Variants in CDC14A observed in about 807,000 individuals in gnomAD.
CDC14A encodes the protein dual specificity protein phosphatase CDC14A.
CDC14A carries 53 observed loss-of-function variants against 74.4 expected under a neutral mutation model. That is an observed-to-expected ratio of 0.71 (90% CI 0.57 to 0.89). The LOEUF is 0.89. Among genes scored for constraint, CDC14A ranks in the 40% least tolerant of loss-of-function variants. CDC14A has a pLI of 0.00. For synonymous variants in CDC14A, 247 were observed against 258.4 expected (o/e 0.96, Z 0.43); for missense variants, 646 against 713.7 (o/e 0.91, Z 1.08).
At chr1:100,473,759 G>A (rs936808018) in intron 10 of CDC14A, among the ~76,000 whole-genome samples, 3 of 152,186 alleles carry the variant, frequency 2.0e-5, no homozygotes, top group South Asian at 2.1e-4. Flanking sequence ...GTGTGTGTAT[G>A]TATGTGCAAA....
intron 8 of CDC14A, among the ~76,000 whole-genome samples, chr1:100,458,387 C>G (rs367556890): frequency 1.4e-4 from 21 of 152,240 alleles, no homozygotes; most frequent in African/African-American, 4.3e-4. Flanking sequence ...AGATATCGCT[C>G]TATATGCATA....
chr1:100,403,323 C>T (rs1391026486), intron 4 of CDC14A, among the ~76,000 whole-genome samples: 1 of 152,106 alleles, frequency 6.6e-6, no homozygotes, highest in Non-Finnish European at 1.5e-5. Context: ...TGTCTTTACC[C>T]ATCAAATTGA....
At chr1:100,456,048 G>T (rs1296830562) in intron 8 of CDC14A, among the ~76,000 whole-genome samples, 14 of 152,138 alleles carry the variant, frequency 9.2e-5, no homozygotes, top group Admixed American at 9.2e-4. Flanking sequence ...TTTGCCCAAG[G>T]TCACAAAGTA....
At chr1:100,511,713 AG>A (rs767684272) in intron 15 of CDC14A, among the ~76,000 whole-genome samples, 2 of 152,120 alleles carry the variant, frequency 1.3e-5, no homozygotes, top group African/African-American at 2.4e-5. Context: ...AGTCCTATCA[AG>A]TCTCCCTCTA....
chr1:100,503,001 T>G (rs1183930881), intron 15 of CDC14A, among the ~76,000 whole-genome samples: 1 of 152,130 alleles, frequency 6.6e-6, no homozygotes, highest in African/African-American at 2.4e-5. Flanking sequence ...CCTCTCACCC[T>G]CCCTGGAAGT....
chr1:100,393,655 A>G (rs930092090), intron 4 of CDC14A: 5 of 563,934 alleles, frequency 8.9e-6, no homozygotes, highest in South Asian at 1.6e-5. Context: ...TGATCAAAAT[A>G]TGGATCAAGT....
intron 4 of CDC14A, among the ~76,000 whole-genome samples, chr1:100,412,698 A>ATT (rs1660877784): frequency 5.7e-5 from 2 of 35,332 alleles, no homozygotes; most frequent in Admixed American, 5.2e-4. Context: ...TGTATGTTTT[A>ATT]TATATATATA....
chr1:100,453,566 T>C (rs965865934), intron 7 of CDC14A, among the ~76,000 whole-genome samples: 2 of 152,336 alleles, frequency 1.3e-5, no homozygotes, highest in Non-Finnish European at 2.9e-5. Context: ...ATAGAAGCTA[T>C]GCTTGAGGTT....
chr1:100,347,345 C>T (rs1043855746), intron 1 of CDC14A, among the ~76,000 whole-genome samples: 75 of 152,178 alleles, frequency 4.9e-4, no homozygotes, highest in Admixed American at 7.2e-4. Context: ...CCACTGCCTT[C>T]CACTCCTACC....
intron 9 of CDC14A, among the ~76,000 whole-genome samples, chr1:100,464,190 C>T (rs924741683): frequency 5.3e-5 from 8 of 152,230 alleles, no homozygotes; most frequent in African/African-American, 1.2e-4. Flanking sequence ...ATGAGCAGCA[C>T]GTGGCCTGGG....
chr1:100,494,369 A>G (rs1358711601), intron 11 of CDC14A, among the ~76,000 whole-genome samples: 1 of 152,260 alleles, frequency 6.6e-6, no homozygotes, highest in African/African-American at 2.4e-5. Context: ...CTGTGTTAAT[A>G]ACTTACTGTA....
At chr1:100,446,977 G>T (rs1665616604) in intron 7 of CDC14A, among the ~76,000 whole-genome samples, 1 of 152,202 alleles carries the variant, frequency 6.6e-6, no homozygotes, top group Non-Finnish European at 1.5e-5. Flanking sequence ...GGGATTGCAA[G>T]TGTGAGCCAC....
chr1:100,351,758 TG>T (rs1160302803), upstream of CDC14A: 13 of 1,550,596 alleles, frequency 8.4e-6, no homozygotes, highest in East Asian at 3.2e-4. Flanking sequence ...GAGAACCAGA[TG>T]GGAAACTTTT....
chr1:100,513,562 G>A (rs895510194), intron 15 of CDC14A, among the ~76,000 whole-genome samples: 3 of 152,058 alleles, frequency 2.0e-5, no homozygotes, highest in African/African-American at 4.8e-5. Context: ...TTAAGACATC[G>A]TTACATTCAT....
chr1:100,469,670 G>C (rs760989169), intron 10 of CDC14A, among the ~76,000 whole-genome samples: 1 of 152,166 alleles, frequency 6.6e-6, no homozygotes, highest in Non-Finnish European at 1.5e-5. Context: ...ATTATTGCTT[G>C]TCATTTAATA....
chr1:100,359,723 A>G (rs1332732097), intron 2 of CDC14A, among the ~76,000 whole-genome samples: 4 of 152,026 alleles, frequency 2.6e-5, no homozygotes, highest in African/African-American at 7.2e-5. Context: ...TTATAAGCCT[A>G]TGATAACTGC....
chr1:100,393,301 T>C (rs1256900792), intron 4 of CDC14A: 4 of 1,168,502 alleles, frequency 3.4e-6, no homozygotes, highest in Non-Finnish European at 3.9e-6. Context: ...TTGTATACTT[T>C]CCAGGCATTA....
At chr1:100,444,489 G>A (rs558086506) in intron 7 of CDC14A, among the ~76,000 whole-genome samples, 1 of 152,160 alleles carries the variant, frequency 6.6e-6, no homozygotes, top group Non-Finnish European at 1.5e-5. Context: ...GCTGTGATGA[G>A]CTCCAGCCTA....
intron 2 of CDC14A, among the ~76,000 whole-genome samples, chr1:100,360,143 C>T (rs1261605814): frequency 2.8e-5 from 4 of 143,366 alleles, no homozygotes; most frequent in East Asian, 2.0e-4. Context: ...TTAGTAGAGA[C>T]GAGGTTTCAC....
Sources: allele counts gnomAD v4.1 joint callset (sites outside exome capture counted in the v4.1 genomes callset), GRCh38; gene constraint gnomAD v4.1.1; transcripts MANE v1.5; gene names NCBI Gene and HGNC (gene_info 2026-07-23, HGNC 2026-07-21).